Variants in EPG5 observed in about 807,000 individuals in gnomAD.
EPG5 encodes ectopic P-granules 5 autophagy tethering factor.
EPG5 carries 159 observed loss-of-function variants against 302.7 expected under a neutral mutation model. That is an observed-to-expected ratio of 0.53 (90% CI 0.46 to 0.60). EPG5 has a LOEUF of 0.60. Among genes scored for constraint, EPG5 ranks in the 20% least tolerant of loss-of-function variants. EPG5 has a pLI of 0.00. For synonymous variants in EPG5, 1,158 were observed against 1,136.8 expected, an observed-to-expected ratio of 1.02 and a Z score of -0.37; for missense variants, 2,896 against 3,092.4, an observed-to-expected ratio of 0.94 and a Z score of 1.51.
In EPG5 at chr18:45,901,397, T is replaced by C. The variant is rs1260590520; in HGVS notation, c.4475-230A>G. On this transcript the variant is annotated intron_variant, in intron 25 of 43. Coordinates refer to ENST00000282041, the MANE Select transcript of EPG5 (RefSeq NM_020964.3). ...AAAGCTACTATCTAGTGCCTTACGC[T>C]AATATCACGTGGATCTAGTGAACAC... Among the ~76,000 whole-genome samples, 3 of 152,190 alleles carry C rather than the reference T, an allele frequency of 2.0e-5. No homozygotes were observed. In the South Asian group the frequency reaches 6.2e-4, roughly 32 times the overall value.
At chr18:45,877,966 A>G (rs1487461024) in intron 34 of EPG5, among the ~76,000 whole-genome samples, 1 of 152,212 alleles carries the variant, frequency 6.6e-6, no homozygotes, top group East Asian at 1.9e-4. Flanking sequence ...CTTTAATTGA[A>G]GAGTCCTAGA....
rs974051220 is a variant in EPG5, at chr18:45,911,281, G to A, written c.3984-539C>T. 6.8e-5 allele frequency among the ~76,000 whole-genome samples: 10 copies of A among 147,674 alleles called. No homozygotes were observed. The South Asian group carries it at 1.3e-3, about 19-fold the overall frequency. ...TGGGATTACAAGCATGCGCCACTGC[G>A]CTGGGTTGTTTTTTTTTTTTTTTAG... On this transcript the variant is annotated intron_variant, in intron 22 of 43. Transcript: ENST00000282041.
chr18:45,919,637 C>T (rs1457655928), intron 16 of EPG5, among the ~76,000 whole-genome samples: 2 of 151,652 alleles, frequency 1.3e-5, no homozygotes, highest in Admixed American at 6.6e-5. Context: ...CTCAGCCTCC[C>T]GAGTAGCTGG....
chr18:45,914,313 G>A (rs368827179), intron 20 of EPG5, among the ~76,000 whole-genome samples: 1 of 152,222 alleles, frequency 6.6e-6, no homozygotes, highest in African/African-American at 2.4e-5. Flanking sequence ...GCTAGGCAGA[G>A]ACAAAAAGAG....
the EPG5 span, chr18:45,825,612 G>A: frequency 1.6e-5 from 17 of 1,065,252 alleles, no homozygotes; most frequent in Non-Finnish European, 2.4e-5. Flanking sequence ...GGGACCTGCA[G>A]ATCTGAGTGC....
the EPG5 span, among the ~76,000 whole-genome samples, chr18:45,817,512 G>GTATC: frequency 6.6e-6 from 1 of 152,200 alleles, no homozygotes; most frequent in East Asian, 1.9e-4. Flanking sequence ...TGGGCCCAGG[G>GTATC]TATCTCATGA....
chr18:45,820,308 AC>A, the EPG5 span, among the ~76,000 whole-genome samples: 3 of 152,292 alleles, frequency 2.0e-5, no homozygotes, highest in African/African-American at 7.2e-5. Flanking sequence ...AGCTGGTGTT[AC>A]ACTGACCTCA....
chr18:45,911,894 TGACA>T (rs2049913152), intron 22 of EPG5, among the ~76,000 whole-genome samples: 1 of 152,100 alleles, frequency 6.6e-6, no homozygotes, highest in South Asian at 2.1e-4. Flanking sequence ...AACCTACAGG[TGACA>T]GACAAAGCCT....
the EPG5 span, among the ~76,000 whole-genome samples, chr18:45,808,485 T>C: frequency 1.3e-5 from 2 of 152,180 alleles, no homozygotes; most frequent in Non-Finnish European, 1.5e-5. Flanking sequence ...ATAAAGGCAC[T>C]AGGTAACCTA....
the EPG5 span, among the ~76,000 whole-genome samples, chr18:45,816,347 C>A: frequency 1.3e-5 from 2 of 151,668 alleles, no homozygotes; most frequent in African/African-American, 4.8e-5. Context: ...AACAGTCAAC[C>A]CACAGAGAGA....
At chr18:45,835,591 GGT>G in the EPG5 span, among the ~76,000 whole-genome samples, 9 of 152,122 alleles carry the variant, frequency 5.9e-5, no homozygotes, top group African/African-American at 2.2e-4. Flanking sequence ...CCACTCCAAG[GGT>G]GTGATACTGT....
At chr18:45,883,343 T>C (rs2049141318) in intron 30 of EPG5, among the ~76,000 whole-genome samples, 1 of 152,142 alleles carries the variant, frequency 6.6e-6, no homozygotes, top group South Asian at 2.1e-4. Flanking sequence ...CAGTTACCTG[T>C]CTCAGTTAAT....
At chr18:45,873,181 G>A (rs763836608) in intron 35 of EPG5, among the ~76,000 whole-genome samples, 1 of 152,092 alleles carries the variant, frequency 6.6e-6, no homozygotes, top group Non-Finnish European at 1.5e-5. Context: ...TCATATACAG[G>A]GGCAAGAGAG....
rs2049962640 is a variant in EPG5 at position 45,913,650 on chromosome 18, C to G, written c.3816+56G>C. The G allele has an allele frequency of 2.4e-5, 39 of 1,597,272 alleles. No individual in the cohort carries two copies. In the South Asian group the frequency reaches 4.4e-4, roughly 18 times the overall value. On this transcript the variant is annotated intron_variant, in intron 21 of 43. Coordinates refer to ENST00000282041, the MANE Select transcript of EPG5 (RefSeq NM_020964.3). The stretch of plus-strand genomic sequence containing the variant: ...GCTCAAAAGCTACGGGTGAATCCAT[C>G]AGCATCAAAGTGTAAGCCACCTTCT...
chr18:45,821,605 C>T, the EPG5 span, among the ~76,000 whole-genome samples: 4 of 151,962 alleles, frequency 2.6e-5, no homozygotes, highest in African/African-American at 7.2e-5. Flanking sequence ...AATAAGCAAG[C>T]GAAATTATAT....
At chr18:45,882,803 T>C (rs1309913843) in intron 30 of EPG5, among the ~76,000 whole-genome samples, 1 of 150,756 alleles carries the variant, frequency 6.6e-6, no homozygotes, top group East Asian at 1.9e-4. Context: ...AGGTCGGGAG[T>C]TCAAGACCAG....
intron 31 of EPG5, among the ~76,000 whole-genome samples, chr18:45,880,605 CATG>C (rs1288436451): frequency 6.6e-6 from 1 of 152,122 alleles, no homozygotes; most frequent in African/African-American, 2.4e-5. Context: ...ACGGAAACCA[CATG>C]ATGAAGGCAA....
chr18:45,814,266 G>A, the EPG5 span, among the ~76,000 whole-genome samples: 152 of 152,216 alleles, frequency 1.0e-3, no homozygotes, highest in South Asian at 3.5e-3. Context: ...GAGGAAGGAC[G>A]AGACAAACCC....
rs1246731922 is a variant in EPG5, at chr18:45,967,232, T to A, written c.8A>T (p.Glu3Val). Residue 3 changes from glutamate (E) to valine (V), a missense_variant, in exon 1 of 44, where the codon GAG (glutamate) becomes GTG (valine). Around this residue, in one of 5 missense-constraint regions of EPG5, gnomAD observed 1,390 missense variants for 1,430.0 expected, o/e 0.97. Coordinates refer to ENST00000282041, the MANE Select transcript of EPG5 (RefSeq NM_020964.3). ...GGCCCGGCGCTGGGGCTTCACCGCC[T>A]CGGCCATAGACCCTTCCGCGGCGCC... Reference protein sequence around the residue: MAEAVKPQRRAKA... With the variant: MAVAVKPQRRAKA... The A allele has an allele frequency of 6.2e-7, 1 of 1,602,680 alleles. No individual in the cohort carries two copies. Among genetic ancestry groups the A allele is most frequent in the Non-Finnish European group, 8.5e-7 (1 of 1,174,962 alleles).
Sources: gnomAD v4.1 joint callset for allele counts (sites outside exome capture counted in the v4.1 genomes callset) on GRCh38, gnomAD v4.1.1 for gene constraint, gnomAD v4.1.1 regional missense constraint, MANE v1.5 for transcripts, NCBI Gene and HGNC (gene_info 2026-07-23, HGNC 2026-07-21) for gene names.